WDR41: variants seen among roughly 807,000 people sequenced by gnomAD.
WDR41 encodes the protein WD repeat domain 41, also known as WD repeat-containing protein 41.
Under a neutral mutation model 69.3 loss-of-function variants are expected in WDR41, and 63 were observed. The observed-to-expected ratio is 0.91, with a 90% CI of 0.74 to 1.12. WDR41 has a LOEUF of 1.12. Ranked by LOEUF, WDR41 falls within the 50% of genes most tolerant of loss-of-function variation. WDR41 has a pLI of 0.00. For synonymous variants in WDR41, 185 were observed against 192.1 expected (o/e 0.96, Z 0.31); for missense variants, 543 against 534.5 (o/e 1.02, Z -0.16).
rs184479573 is a variant in WDR41, at chr5:77,503,383, T to A, written c.43-13811A>T. On this transcript the variant is annotated intron_variant, in intron 1 of 5. Transcript: ENST00000509971. ...GGACCCAGATTCATAAAGCAAGTCC[T>A]GAGTGACCTACAAAGAGACTTAGAC... 2.0e-3 allele frequency among the ~76,000 whole-genome samples: 300 copies of A among 152,250 alleles called. 1 individual carries two copies. The highest frequency in any genetic ancestry group is 6.9e-3 in the African/African-American group (286 of 41,532).
chr5:77,436,309 A>C lies in WDR41; in HGVS notation c.1179T>G (p.Cys393Trp). Residue 393 changes from cysteine to tryptophan, a missense_variant, in exon 12 of 13, where the codon TGT (cysteine) becomes TGG (tryptophan). Coordinates refer to ENST00000296679, the MANE Select transcript of WDR41 (RefSeq NM_018268.4). ...TCAAATCTCCAATAAGCTCCAGTGAACATGAAGTAGCATTTTCTTGCTGCT... is the reference window on the plus strand; with the variant it reads ...TCAAATCTCCAATAAGCTCCAGTGACCATGAAGTAGCATTTTCTTGCTGCT... ...VKKQQENATSCSLELIGDLIG... is the reference protein window; with the variant it reads ...VKKQQENATSWSLELIGDLIG... 6.2e-7 allele frequency: 1 copy of C among 1,614,150 alleles called. No homozygotes were observed. The highest frequency in any genetic ancestry group is 1.3e-5 in the African/African-American group (1 of 75,056).
At chr5:77,486,639 AC>A (rs1801536093) in intron 2 of WDR41, among the ~76,000 whole-genome samples, 1 of 152,176 alleles carries the variant, frequency 6.6e-6, no homozygotes, top group Non-Finnish European at 1.5e-5. Context: ...CATTATGTGA[AC>A]AAGCACCTGA....
intron 1 of WDR41, among the ~76,000 whole-genome samples, chr5:77,554,282 G>C (rs974719476): frequency 6.6e-6 from 1 of 152,146 alleles, no homozygotes. Flanking sequence ...ATTGGTGAGG[G>C]GAGGTAGGGA....
intron 1 of WDR41, among the ~76,000 whole-genome samples, chr5:77,608,776 C>A (rs554245975): frequency 6.2e-4 from 94 of 152,326 alleles, no homozygotes; most frequent in Non-Finnish European, 1.2e-3. Context: ...CCGGGTTCAT[C>A]TCACTAGGGA....
chr5:77,597,632 T>G (rs1352333522), intron 1 of WDR41, among the ~76,000 whole-genome samples: 1 of 152,238 alleles, frequency 6.6e-6, no homozygotes, highest in East Asian at 1.9e-4. Context: ...TGTACTAGAA[T>G]GTACACTCCT....
chr5:77,456,141 T>A (rs1219354687), intron 5 of WDR41, among the ~76,000 whole-genome samples: 1 of 152,178 alleles, frequency 6.6e-6, no homozygotes, highest in Non-Finnish European at 1.5e-5. Flanking sequence ...TTCAACAATG[T>A]TTTGTAGTTT....
intron 2 of WDR41, among the ~76,000 whole-genome samples, chr5:77,473,850 C>T (rs1176966877): frequency 6.6e-6 from 1 of 150,866 alleles, no homozygotes; most frequent in Non-Finnish European, 1.5e-5. Flanking sequence ...GTTGGTGGGA[C>T]TTCAACCATT....
chr5:77,470,797 A>C (rs2151336792), intron 2 of WDR41, among the ~76,000 whole-genome samples: 1 of 152,312 alleles, frequency 6.6e-6, no homozygotes, highest in South Asian at 2.1e-4. Context: ...AGAGACCTAG[A>C]AAGAGACTTA....
At position 77,489,430 on chromosome 5, in the gene WDR41, G is replaced by A. The variant is rs1416134890; in HGVS notation, c.167+27C>T. The A allele has an allele frequency of 3.6e-6, 5 of 1,392,866 alleles. No homozygotes were observed. In the African/African-American group the frequency reaches 7.4e-5, roughly 20 times the overall value. The allele number at this position is 1,392,866 out of a possible 1,614,324, so 86.3% of individuals were successfully genotyped here. On this transcript the variant is annotated intron_variant, in intron 2 of 12. Coordinates refer to ENST00000296679, the MANE Select transcript of WDR41 (RefSeq NM_018268.4). ...CCCTAAAACCTCTTCCCAAACAATA[G>A]TCAATTAGACCACTATAGCTTCTTA...
chr5:77,505,224 A>T (rs182591039), intron 1 of WDR41, among the ~76,000 whole-genome samples: 245 of 152,170 alleles, frequency 1.6e-3, no homozygotes, highest in African/African-American at 5.4e-3. Context: ...GCATTCCTAT[A>T]CACCAATAAC....
chr5:77,501,315 G>C (rs2112153522), intron 1 of WDR41, among the ~76,000 whole-genome samples: 1 of 152,378 alleles, frequency 6.6e-6, no homozygotes, highest in East Asian at 1.9e-4. Context: ...CGGCAGCCTG[G>C]CTTGGAGAGG....
At chr5:77,522,787 T>C (rs1802389476) in intron 1 of WDR41, among the ~76,000 whole-genome samples, 1 of 151,224 alleles carries the variant, frequency 6.6e-6, no homozygotes, top group South Asian at 2.1e-4. Context: ...GAGTAGGGAG[T>C]ATGAGGTGTT....
intron 2 of WDR41, among the ~76,000 whole-genome samples, chr5:77,472,994 G>A (rs969124806): frequency 6.6e-6 from 1 of 152,096 alleles, no homozygotes; most frequent in African/African-American, 2.4e-5. Context: ...CCAAGCTGGA[G>A]GTATCAGGCT....
chr5:77,453,966 CTT>C, intron 5 of WDR41, 38 bp from the exon 6 acceptor site: 4 of 1,494,752 alleles, frequency 2.7e-6, no homozygotes, highest in Admixed American at 1.7e-5. Context: ...AGGTTAGAAA[CTT>C]AAGCAGTCAT....
intron 1 of WDR41, among the ~76,000 whole-genome samples, chr5:77,620,076 G>A (rs1022322039): frequency 2.0e-5 from 3 of 151,964 alleles, no homozygotes; most frequent in Non-Finnish European, 2.9e-5. Context: ...ACAAATACCC[G>A]TGTTCCCACC....
chr5:77,599,088 T>C (rs1437541539), intron 1 of WDR41, among the ~76,000 whole-genome samples: 1 of 151,728 alleles, frequency 6.6e-6, no homozygotes, highest in Non-Finnish European at 1.5e-5. Flanking sequence ...ACCAGTTGCA[T>C]ATGTTCCTTT....
intron 5 of WDR41, chr5:77,458,764 G>T: frequency 4.6e-6 from 1 of 216,644 alleles, no homozygotes. Flanking sequence ...CTACTATTAT[G>T]GTCATTCTAC....
At chr5:77,471,699 C>T (rs1440069759) in intron 2 of WDR41, among the ~76,000 whole-genome samples, 2 of 152,150 alleles carry the variant, frequency 1.3e-5, no homozygotes, top group Non-Finnish European at 2.9e-5. Context: ...AGTTCCTTGA[C>T]ACATACACCC....
chr5:77,486,164 A>T (rs1045850226), intron 2 of WDR41, among the ~76,000 whole-genome samples: 3 of 152,218 alleles, frequency 2.0e-5, no homozygotes, highest in African/African-American at 7.2e-5. Context: ...CCTTCTTACG[A>T]AGATGACTCT....
Sources: allele counts gnomAD v4.1 joint callset (sites outside exome capture counted in the v4.1 genomes callset), GRCh38; gene constraint gnomAD v4.1.1; transcripts MANE v1.5; gene names NCBI Gene and HGNC (gene_info 2026-07-23, HGNC 2026-07-21).